Variants in CD72 observed in about 807,000 individuals in gnomAD.
CD72 encodes the protein CD72 molecule.
CD72 carries 28 observed loss-of-function variants against 50.7 expected under a neutral mutation model. The ratio of observed to expected loss-of-function variants is 0.55; its 90% CI spans 0.41 to 0.76. The LOEUF (loss-of-function observed/expected upper bound fraction) is 0.76. CD72 is among the 30% of genes least tolerant of loss of function. The pLI is 0.00. For synonymous variants in CD72, 176 were observed against 171.2 expected (o/e 1.03, Z -0.22); for missense variants, 403 against 420.6 (o/e 0.96, Z 0.37).
At chr9:35,628,949 G>A (rs975683226) in intron 1 of CD72, among the ~76,000 whole-genome samples, 3 of 151,970 alleles carry the variant, frequency 2.0e-5, no homozygotes, top group Non-Finnish European at 2.9e-5. Context: ...ATCACTGCTC[G>A]CTGCAGCCTC....
upstream of CD72, among the ~76,000 whole-genome samples, chr9:35,619,205 G>A (rs553771092): frequency 3.7e-4 from 57 of 152,318 alleles, no homozygotes; most frequent in South Asian, 2.5e-3. Context: ...CATTTGTGGC[G>A]GAGGACCCAG....
At position 35,617,933 on chromosome 9, in the gene CD72, GAAC is replaced by G. The variant is rs977884287; in HGVS notation, c.190+78_190+80del. 4.6e-5 allele frequency: 40 copies of G among 873,182 alleles called. 1 individual carries two copies. The Middle Eastern group carries it at 8.4e-4, about 18-fold the overall frequency. 54.1% of individuals were successfully genotyped at this position (873,182 alleles called of 1,614,324 possible). A position where few individuals can be genotyped will look rare whatever the true frequency, so the allele number is the denominator to read the frequency against. ...GTGACAGAACAAGACCCTGTCTCAA[GAAC>G]AACAACAAAAACATTGTGGACTCCC... On this transcript the variant is annotated intron_variant, in intron 2 of 8. Coordinates refer to ENST00000259633, the MANE Select transcript of CD72 (RefSeq NM_001782.3).
chr9:35,617,143 G>A (rs757103514), intron 3 of CD72, 33 bp downstream of exon 3: 1 of 1,551,352 alleles, frequency 6.4e-7, no homozygotes, highest in Admixed American at 2.0e-5. Flanking sequence ...GCGAGCACTT[G>A]GCCCCGCGGC....
chr9:35,637,815 TGGCTGCTCACCCACATTGCAGCCCAG>T (rs888981699), intron 1 of CD72, among the ~76,000 whole-genome samples: 5 of 152,280 alleles, frequency 3.3e-5, no homozygotes, highest in Middle Eastern at 3.4e-3. Flanking sequence ...ACGCCTGCTT[TGGCTGCTCACCCACATTGCAGCCCAG>T]GGCTGCTCAT....
chr9:35,645,216 A>G (rs866487560), intron 1 of CD72, among the ~76,000 whole-genome samples: 2 of 149,204 alleles, frequency 1.3e-5, no homozygotes, highest in African/African-American at 4.9e-5. Flanking sequence ...AAAAAAAAAA[A>G]GGAATTCATT....
chr9:35,645,496 C>T (rs1405514678), intron 1 of CD72, among the ~76,000 whole-genome samples: 9 of 152,038 alleles, frequency 5.9e-5, no homozygotes, highest in Non-Finnish European at 1.3e-4. Flanking sequence ...GCAGGAGAAT[C>T]GCTTGAACCC....
chr9:35,638,376 G>A (rs925528068), intron 1 of CD72, among the ~76,000 whole-genome samples: 3 of 151,906 alleles, frequency 2.0e-5, no homozygotes, highest in African/African-American at 7.3e-5. Flanking sequence ...CTCCTCTTCA[G>A]CCTCCGCTCC....
intron 1 of CD72, among the ~76,000 whole-genome samples, chr9:35,634,214 T>C (rs1427021372): frequency 6.6e-6 from 1 of 152,216 alleles, no homozygotes; most frequent in African/African-American, 2.4e-5. Flanking sequence ...AATTTGGAGT[T>C]TGTCATTCTA....
At chr9:35,632,241 G>C (rs545122559) in intron 1 of CD72, among the ~76,000 whole-genome samples, 377 of 144,664 alleles carry the variant, frequency 2.6e-3, no homozygotes, top group African/African-American at 5.1e-3. Context: ...GCAGTGGCGC[G>C]ATCTCGGCTC....
intron 3 of CD72, 97 bp from the exon 4 acceptor site, chr9:35,616,786 T>A: frequency 6.1e-6 from 7 of 1,138,918 alleles, no homozygotes; most frequent in Non-Finnish European, 9.1e-6. Context: ...GGGGAAGGCA[T>A]CCCTAAGAGG....
chr9:35,640,712 C>T (rs1271087796), intron 1 of CD72, among the ~76,000 whole-genome samples: 3 of 152,060 alleles, frequency 2.0e-5, no homozygotes, highest in Non-Finnish European at 2.9e-5. Context: ...GGACGGGGAG[C>T]GAAAGCTCAG....
chr9:35,631,420 T>C (rs1823244824), intron 1 of CD72, among the ~76,000 whole-genome samples: 1 of 152,220 alleles, frequency 6.6e-6, no homozygotes, highest in African/African-American at 2.4e-5. Context: ...GGTTTCAGTG[T>C]TTCACCATTG....
At position 35,640,450 on chromosome 9, in the gene CD72, T is replaced by C. The variant is rs9657623; in HGVS notation, n.408+5953A>G. On this transcript the variant is annotated intron_variant and non_coding_transcript_variant, in intron 1 of 3. Coordinates refer to the CD72 transcript ENST00000465754. ...ATCTTGGGCCATGCGATGAGTGTTA[T>C]AGCTCTATTAGAAGCCGTGGGTCAC... is the stretch of plus-strand genomic sequence containing the variant. 5.0e-3 allele frequency among the ~76,000 whole-genome samples: 769 copies of C among 152,388 alleles called. 8 individuals are homozygous for C. Among genetic ancestry groups the C allele is most frequent in the African/African-American group, 0.016 (676 of 41,596 alleles).
chr9:35,629,144 TG>T (rs996937776), intron 1 of CD72, among the ~76,000 whole-genome samples: 29 of 152,148 alleles, frequency 1.9e-4, no homozygotes, highest in African/African-American at 6.5e-4. Flanking sequence ...CCCAAAGTAC[TG>T]GAATTACAGA....
At chr9:35,618,152 G>A (rs376395657) in intron 1 of CD72, 31 bp from the exon 2 acceptor site, 112 of 1,607,396 alleles carry the variant, frequency 7.0e-5, no homozygotes, top group Admixed American at 1.8e-4. Context: ...ACCAAGGTGG[G>A]ATTTGGGAAT....
chr9:35,645,817 G>A (rs1038713176), intron 1 of CD72, among the ~76,000 whole-genome samples: 3 of 151,940 alleles, frequency 2.0e-5, no homozygotes, highest in Admixed American at 6.6e-5. Context: ...AAAGATGGAG[G>A]TGCCCTGGCC....
At position 35,644,350 on chromosome 9, in the gene CD72, C is replaced by CAAAA. The variant is rs74176726; in HGVS notation, n.408+2049_408+2052dup. ...GGGCAACAAGAGTGAAACTCTGTCT[C>CAAAA]AAAAAAAAAAAAAAAAAAAAAAAAA... On this transcript the variant is annotated intron_variant and non_coding_transcript_variant, in intron 1 of 3. Coordinates refer to the CD72 transcript ENST00000465754. Among the ~76,000 whole-genome samples, 508 of 68,116 alleles carry CAAAA rather than the reference C, an allele frequency of 7.5e-3. 22 individuals are homozygous for CAAAA. Among genetic ancestry groups the CAAAA allele is most frequent in the African/African-American group, 0.024 (404 of 17,018 alleles). 44.7% of individuals were successfully genotyped at this position (68,116 alleles called of 152,430 possible).
intron 1 of CD72, among the ~76,000 whole-genome samples, chr9:35,633,172 G>A (rs1281825317): frequency 2.0e-5 from 3 of 149,586 alleles, no homozygotes; most frequent in East Asian, 2.0e-4. Context: ...GAACTCCTAA[G>A]CTCAAGTGAT....
At chr9:35,631,917 A>G (rs1823249826) in intron 1 of CD72, among the ~76,000 whole-genome samples, 1 of 151,998 alleles carries the variant, frequency 6.6e-6, no homozygotes, top group Non-Finnish European at 1.5e-5. Flanking sequence ...ATAAATAAAA[A>G]TAAATAAATG....
Sources: gnomAD v4.1 joint callset for allele counts (sites outside exome capture counted in the v4.1 genomes callset) on GRCh38, gnomAD v4.1.1 for gene constraint, MANE v1.5 for transcripts, NCBI Gene and HGNC (gene_info 2026-07-23, HGNC 2026-07-21) for gene names.